YEATS2: variants seen among roughly 807,000 people sequenced by gnomAD.
The protein encoded by YEATS2 is YEATS domain-containing protein 2.
In YEATS2, 77 loss-of-function variants were observed where a neutral mutation model predicts 163.2. The observed-to-expected ratio is 0.47, with a 90% CI of 0.39 to 0.57. The LOEUF is 0.57. Among genes scored for constraint, YEATS2 ranks in the 20% least tolerant of loss-of-function variants. The pLI is 0.00. For missense variants in YEATS2, 1,549 were observed against 1,729.8 expected, an observed-to-expected ratio of 0.90 and a Z score of 1.85; for synonymous variants, 631 against 645.1, an observed-to-expected ratio of 0.98 and a Z score of 0.33.
At chr3:183,718,012 T>A (rs1716090091) in intron 3 of YEATS2, among the ~76,000 whole-genome samples, 2 of 152,126 alleles carry the variant, frequency 1.3e-5, no homozygotes, top group South Asian at 4.2e-4. Flanking sequence ...GTGACTACAG[T>A]CAACAATAAT....
intron 1 of YEATS2, among the ~76,000 whole-genome samples, chr3:183,709,853 AT>A (rs975049882): frequency 6.8e-6 from 1 of 147,638 alleles, no homozygotes; most frequent in Admixed American, 6.8e-5. Flanking sequence ...AATTTTTTGT[AT>A]TTTTTTTAGT....
At chr3:183,767,380 C>G (rs968420749) in intron 15 of YEATS2, among the ~76,000 whole-genome samples, 1 of 134,096 alleles carries the variant, frequency 7.5e-6, no homozygotes. Flanking sequence ...CCACCACGCC[C>G]AGCTAATTTT....
intron 3 of YEATS2, 101 bp from the exon 4 acceptor site, chr3:183,718,399 T>C: frequency 1.5e-6 from 1 of 665,870 alleles, no homozygotes; most frequent in Non-Finnish European, 2.3e-6. Context: ...GAAGTTGAGC[T>C]TTTTTTTTTC....
intron 1 of YEATS2, among the ~76,000 whole-genome samples, chr3:183,708,362 ATGT>A (rs1256156004): frequency 2.0e-5 from 3 of 151,888 alleles, no homozygotes; most frequent in African/African-American, 4.8e-5. Context: ...GGGTTTCACC[ATGT>A]TGTTGGCCAC....
chr3:183,740,640 G>A (rs868642162), intron 8 of YEATS2, among the ~76,000 whole-genome samples: 12 of 152,234 alleles, frequency 7.9e-5, no homozygotes, highest in Middle Eastern at 3.2e-3. Context: ...CAGAGGAAAA[G>A]TATGAAGCTA....
intron 6 of YEATS2, among the ~76,000 whole-genome samples, chr3:183,725,536 A>G (rs965328429): frequency 3.9e-5 from 6 of 152,240 alleles, no homozygotes; most frequent in African/African-American, 1.4e-4. Context: ...GGCAAGGGAG[A>G]AACAAAGCCA....
Position 183,808,106 on chromosome 3 carries a change from T to G in YEATS2, c.4086+2T>G, listed in dbSNP as rs1577236461. 1 of 1,551,768 alleles carries G rather than the reference T, an allele frequency of 6.4e-7. No homozygotes were observed. The highest frequency in any genetic ancestry group is 8.7e-7 in the Non-Finnish European group (1 of 1,146,632). On this transcript the variant is annotated splice_donor_variant, in intron 29 of 30. Transcript: ENST00000305135. LOFTEE classifies it high-confidence loss of function. The stretch of plus-strand genomic sequence containing the variant: ...GTGGTGGAGGACATGATCCTGAAGG[T>G]GGGTGCCTGCAGGGGCCGCCAGCCA...
At chr3:183,767,289 A>C (rs1202971789) in intron 15 of YEATS2, among the ~76,000 whole-genome samples, 3 of 151,576 alleles carry the variant, frequency 2.0e-5, no homozygotes, top group Non-Finnish European at 4.4e-5. Flanking sequence ...GCAGTGGTGC[A>C]GTCTTGACTC....
At chr3:183,798,159 C>T (rs1333288096) in intron 22 of YEATS2, 108 bp downstream of exon 22, 11 of 1,496,872 alleles carry the variant, frequency 7.3e-6, no homozygotes, top group East Asian at 2.3e-5. Context: ...TCAGCTGTCA[C>T]GGTATTCCCA....
intron 6 of YEATS2, among the ~76,000 whole-genome samples, chr3:183,728,475 TG>T (rs1294043386): frequency 1.3e-5 from 2 of 152,206 alleles, no homozygotes; most frequent in African/African-American, 4.8e-5. Context: ...CATTACAGTG[TG>T]AGCCAGCCAC....
intron 4 of YEATS2, 87 bp from the exon 5 acceptor site, chr3:183,721,804 A>G (rs1716516372): frequency 1.3e-6 from 2 of 1,510,996 alleles, no homozygotes; most frequent in South Asian, 1.3e-5. Flanking sequence ...TGATCCTGTA[A>G]TAGATAAGGT....
intron 21 of YEATS2, among the ~76,000 whole-genome samples, chr3:183,793,781 T>A (rs1724892287): frequency 6.6e-6 from 1 of 151,930 alleles, no homozygotes; most frequent in Non-Finnish European, 1.5e-5. Context: ...TCCCACTAAT[T>A]CTTGTATTTT....
chr3:183,757,082 T>C (rs1720849582), intron 12 of YEATS2, among the ~76,000 whole-genome samples: 2 of 152,068 alleles, frequency 1.3e-5, no homozygotes, highest in Non-Finnish European at 2.9e-5. Context: ...TAAAAAATGA[T>C]ATTATTTTCT....
chr3:183,767,583 A>G (rs1183849332), intron 15 of YEATS2, among the ~76,000 whole-genome samples: 3 of 151,992 alleles, frequency 2.0e-5, no homozygotes, highest in Non-Finnish European at 4.4e-5. Context: ...GGGTTTCACT[A>G]TGTTGGCCAC....
chr3:183,752,196 G>A lies in YEATS2; in HGVS notation c.1093G>A (p.Ala365Thr). Reference protein sequence around the residue: ...LPLTIPAPVKASSPIKQSHEP... With the variant: ...LPLTIPAPVKTSSPIKQSHEP... ...TTTGACCATTCCAGCCCCAGTGAAA[G>A]CTTCTTCACCAATAAAGCAGTCACA... The change falls in exon 10 of 31, where the codon GCT (alanine) becomes ACT (threonine). Residue 365 changes from alanine (A) to threonine (T), a missense_variant. Coordinates refer to ENST00000305135, the MANE Select transcript of YEATS2 (RefSeq NM_018023.5). 1 of 1,614,082 alleles carries A rather than the reference G, an allele frequency of 6.2e-7. No individual in the cohort carries two copies. Among genetic ancestry groups the A allele is most frequent in the South Asian group, 1.1e-5 (1 of 91,076 alleles).
chr3:183,722,218 A>G lies in YEATS2; in HGVS notation c.537+82A>G. On this transcript the variant is annotated intron_variant, in intron 5 of 30. Transcript: ENST00000305135. ...AAAGTATGCGCTTGTTATCTCACTG[A>G]ACTGTCACAGGAATCTTAGGAAATA... is the stretch of plus-strand genomic sequence containing the variant. 8 of 1,439,622 alleles carry G rather than the reference A, an allele frequency of 5.6e-6. No homozygotes were observed. The South Asian group carries it at 1.2e-4, about 21-fold the overall frequency. 89.2% of individuals were successfully genotyped at this position (1,439,622 alleles called of 1,614,324 possible). A position where few individuals can be genotyped will look rare whatever the true frequency, so the allele number is the denominator to read the frequency against.
At chr3:183,789,399 T>G (rs1645085940) in intron 20 of YEATS2, among the ~76,000 whole-genome samples, 1 of 152,058 alleles carries the variant, frequency 6.6e-6, no homozygotes, top group Non-Finnish European at 1.5e-5. Flanking sequence ...CTTTCATTGC[T>G]TTTTCTTTTG....
chr3:183,728,543 A>G (rs901073359), intron 6 of YEATS2, 147 bp from the exon 7 acceptor site: 12 of 687,638 alleles, frequency 1.7e-5, no homozygotes, highest in Admixed American at 3.4e-5. Context: ...ATTAACTTGC[A>G]AAGACTCATT....
chr3:183,806,224 C>T, intron 27 of YEATS2: 1 of 449,924 alleles, frequency 2.2e-6, no homozygotes, highest in Non-Finnish European at 4.4e-6. Flanking sequence ...AGGATATAGC[C>T]CCAGCCATCA....
Sources: allele counts gnomAD v4.1 joint callset (sites outside exome capture counted in the v4.1 genomes callset), GRCh38; gene constraint gnomAD v4.1.1; transcripts MANE v1.5; gene names NCBI Gene and HGNC (gene_info 2026-07-23, HGNC 2026-07-21).